The following PSD3 variants were observed in gnomAD, a reference collection of about 807,000 sequenced individuals.
PSD3 encodes pleckstrin and Sec7 domain containing 3, also known as PH and SEC7 domain-containing protein 3.
PSD3 carries 49 observed loss-of-function variants against 105.5 expected under a neutral mutation model. The observed-to-expected ratio is 0.46, with a 90% CI of 0.37 to 0.59. PSD3 has a LOEUF of 0.59. PSD3 is among the 20% of genes least tolerant of loss of function. The pLI is 0.00. For missense variants in PSD3, 1,561 were observed against 1,263.8 expected (o/e 1.24, Z -3.57); for synonymous variants, 557 against 457.8 (o/e 1.22, Z -2.77).
intron 2 of PSD3, among the ~76,000 whole-genome samples, chr8:18,899,523 A>T (rs145435762): frequency 2.6e-4 from 40 of 152,042 alleles, no homozygotes; most frequent in African/African-American, 9.6e-4. Context: ...TCCATAAAAC[A>T]CTGTGTGTAG....
chr8:18,986,807 G>C (rs574810330), intron 1 of PSD3, among the ~76,000 whole-genome samples: 1 of 152,272 alleles, frequency 6.6e-6, no homozygotes, highest in Non-Finnish European at 1.5e-5. Context: ...AGAACAAAGA[G>C]CCAGCAGTGG....
chr8:18,684,279 T>C (rs1286330703), intron 9 of PSD3, among the ~76,000 whole-genome samples: 1 of 150,968 alleles, frequency 6.6e-6, no homozygotes, highest in Non-Finnish European at 1.5e-5. Flanking sequence ...CTGGAACGAA[T>C]GGCAATTGGC....
At chr8:18,862,080 T>G (rs1816495425) in intron 4 of PSD3, among the ~76,000 whole-genome samples, 1 of 152,234 alleles carries the variant, frequency 6.6e-6, no homozygotes, top group South Asian at 2.1e-4. Flanking sequence ...GGGTTACTAC[T>G]GTCATTGGTA....
chr8:18,906,743 C>T lies in PSD3; in HGVS notation c.130+29291G>A, dbSNP rs915503040. Among the ~76,000 whole-genome samples, 6 of 152,170 alleles carry T rather than the reference C, an allele frequency of 3.9e-5. No homozygotes were observed. In the South Asian group the frequency reaches 6.2e-4, roughly 16 times the overall value. On this transcript the variant is annotated intron_variant, in intron 2 of 15. Transcript: ENST00000327040. ...ATTTAGAAATAAAAACAAGTAAGTTCCAAATAAAAACAAATACAGTCATGC... is the reference window on the plus strand; with the variant it reads ...ATTTAGAAATAAAAACAAGTAAGTTTCAAATAAAAACAAATACAGTCATGC...
intron 1 of PSD3, among the ~76,000 whole-genome samples, chr8:18,991,843 G>C (rs532524687): frequency 6.6e-6 from 1 of 152,124 alleles, no homozygotes; most frequent in Non-Finnish European, 1.5e-5. Flanking sequence ...TAATGGCTGT[G>C]CTTTTATTGA....
chr8:18,857,058 G>A (rs866222515), intron 4 of PSD3, among the ~76,000 whole-genome samples: 6 of 152,176 alleles, frequency 3.9e-5, no homozygotes, highest in Non-Finnish European at 8.8e-5. Flanking sequence ...AGTTTGGAGG[G>A]ACTCCCTATC....
chr8:18,589,124 T>G (rs908371256), intron 12 of PSD3, among the ~76,000 whole-genome samples: 2 of 152,150 alleles, frequency 1.3e-5, no homozygotes, highest in Non-Finnish European at 1.5e-5. Context: ...AAAGGACCAG[T>G]GTGGGCCCAG....
chr8:18,829,433 G>T (rs965983979), intron 4 of PSD3, among the ~76,000 whole-genome samples: 2 of 152,140 alleles, frequency 1.3e-5, no homozygotes, highest in African/African-American at 4.8e-5. Context: ...TAGAATGGAT[G>T]TCATTCCCTT....
chr8:18,702,197 A>C (rs971165745), intron 9 of PSD3, among the ~76,000 whole-genome samples: 1 of 152,228 alleles, frequency 6.6e-6, no homozygotes, highest in African/African-American at 2.4e-5. Flanking sequence ...GTCTTTCTAC[A>C]TGTTTAAGAT....
At chr8:18,587,972 G>C (rs1338392196) in intron 12 of PSD3, among the ~76,000 whole-genome samples, 2 of 152,168 alleles carry the variant, frequency 1.3e-5, no homozygotes, top group Non-Finnish European at 2.9e-5. Context: ...TTAACCAGCA[G>C]TGGGACATTA....
intron 1 of PSD3, among the ~76,000 whole-genome samples, chr8:18,944,921 T>C (rs767151831): frequency 3.3e-5 from 5 of 152,198 alleles, no homozygotes; most frequent in Non-Finnish European, 7.3e-5. Flanking sequence ...ATATTTTCCA[T>C]CTGCCCTAGA....
chr8:18,940,562 TA>T (rs1822469061), intron 1 of PSD3: 2 of 152,332 alleles, frequency 1.3e-5, no homozygotes, highest in South Asian at 4.1e-4. Flanking sequence ...CTAAATAATA[TA>T]AAATTCATTC....
At chr8:18,784,273 C>A (rs983925331) in intron 8 of PSD3, among the ~76,000 whole-genome samples, 2 of 152,142 alleles carry the variant, frequency 1.3e-5, no homozygotes, top group Non-Finnish European at 2.9e-5. Flanking sequence ...CTCAATAAAA[C>A]AATTTCTCCC....
intron 8 of PSD3, among the ~76,000 whole-genome samples, chr8:18,796,724 C>A (rs1810212981): frequency 6.6e-6 from 1 of 152,106 alleles, no homozygotes; most frequent in South Asian, 2.1e-4. Context: ...CATATGAGGA[C>A]AAGCTGGTCT....
At chr8:18,912,414 G>T (rs565336916) in intron 2 of PSD3, among the ~76,000 whole-genome samples, 1 of 152,186 alleles carries the variant, frequency 6.6e-6, no homozygotes, top group South Asian at 2.1e-4. Flanking sequence ...ACTATTAACA[G>T]AACTGAGTTC....
At chr8:19,008,672 G>A (rs1826813937) in intron 1 of PSD3, among the ~76,000 whole-genome samples, 2 of 150,700 alleles carry the variant, frequency 1.3e-5, no homozygotes, top group Non-Finnish European at 3.0e-5. Flanking sequence ...AGAAGCTACA[G>A]CTGCTTCTAT....
chr8:18,797,006 C>G (rs956946408), intron 8 of PSD3, among the ~76,000 whole-genome samples: 12 of 152,100 alleles, frequency 7.9e-5, no homozygotes, highest in Non-Finnish European at 1.5e-4. Context: ...ACAAAAAAAT[C>G]AGGCAATCAT....
intron 4 of PSD3, among the ~76,000 whole-genome samples, chr8:18,852,131 G>T (rs551150435): frequency 6.6e-6 from 1 of 151,980 alleles, no homozygotes; most frequent in Non-Finnish European, 1.5e-5. Flanking sequence ...GTTAACAGAA[G>T]AAATTGAGCC....
At chr8:18,698,943 T>C (rs755805987) in intron 9 of PSD3, among the ~76,000 whole-genome samples, 16 of 152,162 alleles carry the variant, frequency 1.1e-4, no homozygotes, top group Admixed American at 2.0e-4. Flanking sequence ...TGAGAGATAG[T>C]AAATCTGTAT....
Sources: gnomAD v4.1 joint callset for allele counts (sites outside exome capture counted in the v4.1 genomes callset) on GRCh38, gnomAD v4.1.1 for gene constraint, MANE v1.5 for transcripts, NCBI Gene and HGNC (gene_info 2026-07-23, HGNC 2026-07-21) for gene names.